The following EPHA5 variants were observed in gnomAD, a reference collection of about 807,000 sequenced individuals.
EPHA5 encodes the protein EPH receptor A5.
A neutral mutation model predicts 105.0 loss-of-function variants in EPHA5; 60 were observed. The ratio of observed to expected loss-of-function variants is 0.57; its 90% CI spans 0.46 to 0.71. The LOEUF (loss-of-function observed/expected upper bound fraction) is 0.71, where lower values mean the gene tolerates loss of function less well. EPHA5 is among the 30% of genes least tolerant of loss of function. The probability of loss-of-function intolerance (pLI) is 0.00; values close to 1 mark genes in which losing one functional copy is unlikely to be tolerated. For missense variants in EPHA5, 1,218 were observed against 1,274.7 expected (o/e 0.96, Z 0.68); for synonymous variants, 513 against 449.1 (o/e 1.14, Z -1.80).
chr4:65,570,947 G>A (rs1740103639), intron 3 of EPHA5, among the ~76,000 whole-genome samples: 2 of 151,752 alleles, frequency 1.3e-5, no homozygotes, highest in African/African-American at 4.8e-5. Flanking sequence ...GGAAAGACTG[G>A]GCATAATATG....
intron 5 of EPHA5, among the ~76,000 whole-genome samples, chr4:65,474,400 T>C (rs934416494): frequency 9.9e-5 from 15 of 152,172 alleles, no homozygotes; most frequent in Non-Finnish European, 2.1e-4. Context: ...ACTGTTAGAA[T>C]AATGTTATAT....
At chr4:65,522,877 T>C (rs766481975) in intron 3 of EPHA5, among the ~76,000 whole-genome samples, 2 of 151,984 alleles carry the variant, frequency 1.3e-5, no homozygotes, top group African/African-American at 4.8e-5. Flanking sequence ...GGTCTCCTAT[T>C]ACACGTTTTA....
chr4:65,395,866 C>T (rs11943939), intron 8 of EPHA5, among the ~76,000 whole-genome samples: 24,169 of 152,216 alleles, frequency 0.16, 2,119 homozygotes, highest in East Asian at 0.23. Flanking sequence ...GCAGTGGTGG[C>T]ATGTCTGGAA....
chr4:65,649,954 AT>A (rs552744606), intron 1 of EPHA5, among the ~76,000 whole-genome samples: 248 of 152,266 alleles, frequency 1.6e-3, no homozygotes, highest in Non-Finnish European at 2.5e-3. Flanking sequence ...TCAATGCCTC[AT>A]TTTTGTAGAT....
chr4:65,348,021 T>C, intron 14 of EPHA5, 33 bp downstream of exon 14: 1 of 1,526,984 alleles, frequency 6.5e-7, no homozygotes. Context: ...AGCATTTCAT[T>C]GTCAAGTTGG....
chr4:65,546,654 T>C (rs1189525457), intron 3 of EPHA5, among the ~76,000 whole-genome samples: 1 of 152,054 alleles, frequency 6.6e-6, no homozygotes, highest in Non-Finnish European at 1.5e-5. Context: ...GCAATTAAAA[T>C]TCTAGGTCTA....
intron 5 of EPHA5, among the ~76,000 whole-genome samples, chr4:65,439,432 A>ACCCCCCCCCCCC (rs1725801055): frequency 7.0e-6 from 1 of 142,600 alleles, no homozygotes; most frequent in East Asian, 2.2e-4. Context: ...CTCCACCCCC[A>ACCCCCCCCCCCC]CACCACCCCC....
rs568619917 is a variant in EPHA5 at position 65,621,282 on chromosome 4, A to G, written c.247-18978T>C. Among the ~76,000 whole-genome samples, 3 of 152,232 alleles carry G rather than the reference A, an allele frequency of 2.0e-5. No homozygotes were observed. The South Asian group carries it at 6.2e-4, about 32-fold the overall frequency. ...TTTGACAATATGCACCAGCTGGAGG[A>G]TACCTAGACCAGAAGCAGCATATGT... On this transcript the variant is annotated intron_variant, in intron 2 of 16. Transcript: ENST00000613740.
At chr4:65,380,483 A>G (rs527380748) in intron 8 of EPHA5, among the ~76,000 whole-genome samples, 1 of 151,818 alleles carries the variant, frequency 6.6e-6, no homozygotes, top group South Asian at 2.1e-4. Context: ...CTAGGGAAGG[A>G]ATTCTCAGAT....
At chr4:65,331,417 T>C (rs1007782851) in intron 16 of EPHA5, 7 of 1,045,674 alleles carry the variant, frequency 6.7e-6, no homozygotes, top group Non-Finnish European at 5.8e-6. Context: ...TCCACTGAGA[T>C]TGTACCAAAT....
intron 16 of EPHA5, among the ~76,000 whole-genome samples, chr4:65,325,700 T>C (rs201688629): frequency 1.3e-5 from 2 of 151,452 alleles, no homozygotes; most frequent in East Asian, 3.9e-4. Context: ...ACAAGCTAGC[T>C]AATTACAGAC....
intron 5 of EPHA5, among the ~76,000 whole-genome samples, chr4:65,452,017 G>C (rs886719082): frequency 6.6e-6 from 1 of 152,122 alleles, no homozygotes; most frequent in African/African-American, 2.4e-5. Context: ...AAATTATTTT[G>C]TGGGTGATGA....
At position 65,459,819 on chromosome 4, in the gene EPHA5, T is replaced by C. The variant is rs1415747728; in HGVS notation, c.1402+30558A>G. Among the ~76,000 whole-genome samples, 3 of 151,656 alleles carry C rather than the reference T, an allele frequency of 2.0e-5. No individual in the cohort carries two copies. In the East Asian group the frequency reaches 5.8e-4, roughly 29 times the overall value. ...TCAATATGGGAGACAGTAATTTTTA[T>C]AAAGGAAATCTAAAAAAGAAGATAG... is the stretch of plus-strand genomic sequence containing the variant. On this transcript the variant is annotated intron_variant, in intron 5 of 16. Transcript: ENST00000613740.
chr4:65,612,680 C>T (rs1265726074), intron 2 of EPHA5, among the ~76,000 whole-genome samples: 5 of 152,002 alleles, frequency 3.3e-5, no homozygotes, highest in African/African-American at 9.7e-5. Flanking sequence ...TCCTTGTGTG[C>T]TTTCTTTTGC....
intron 3 of EPHA5, among the ~76,000 whole-genome samples, chr4:65,510,819 A>ATAT (rs1560626187): frequency 7.2e-5 from 11 of 152,228 alleles, no homozygotes; most frequent in Middle Eastern, 3.2e-3. Flanking sequence ...CAAACATGCT[A>ATAT]GACTTGTATA....
chr4:65,618,572 T>G (rs2149472002), intron 2 of EPHA5, among the ~76,000 whole-genome samples: 1 of 152,310 alleles, frequency 6.6e-6, no homozygotes, highest in Admixed American at 6.5e-5. Flanking sequence ...TTTTTGACAA[T>G]CTTCCCCTAA....
intron 5 of EPHA5, among the ~76,000 whole-genome samples, chr4:65,443,954 C>T (rs573382175): frequency 1.2e-3 from 186 of 151,802 alleles, no homozygotes; most frequent in Admixed American, 2.6e-3. Flanking sequence ...CGCGCACATG[C>T]GCACTGGGGG....
At chr4:65,442,282 T>TAC (rs1170265150) in intron 5 of EPHA5, among the ~76,000 whole-genome samples, 1 of 152,084 alleles carries the variant, frequency 6.6e-6, no homozygotes, top group Non-Finnish European at 1.5e-5. Flanking sequence ...GAGGAAACCT[T>TAC]AAAGAGATCT....
At chr4:65,667,193 T>C (rs4860693) in intron 1 of EPHA5, among the ~76,000 whole-genome samples, 40,441 of 152,054 alleles carry the variant, frequency 0.27, 6,131 homozygotes, top group East Asian at 0.56. Flanking sequence ...ATGAATATTT[T>C]AGCATAAATA....
Sources: gnomAD v4.1 joint callset for allele counts (sites outside exome capture counted in the v4.1 genomes callset) on GRCh38, gnomAD v4.1.1 for gene constraint, MANE v1.5 for transcripts, NCBI Gene and HGNC (gene_info 2026-07-23, HGNC 2026-07-21) for gene names.